APTX: variants seen among roughly 807,000 people sequenced by gnomAD.
APTX encodes the protein aprataxin.
In APTX, 33 loss-of-function variants were observed where a neutral mutation model predicts 42.3. That is an observed-to-expected ratio of 0.78 (90% confidence interval 0.59 to 1.04). The LOEUF (loss-of-function observed/expected upper bound fraction) is 1.04. Among genes scored for constraint, APTX ranks in the 50% least tolerant of loss-of-function variants. APTX has a pLI of 0.00. For missense variants in APTX, 421 were observed against 415.1 expected (o/e 1.01, Z -0.12); for synonymous variants, 130 against 146.7 (o/e 0.89, Z 0.82).
At chr9:32,984,887 G>C (rs762362786) in intron 5 of APTX, 30 bp from the exon 6 acceptor site, 32 of 1,572,112 alleles carry the variant, frequency 2.0e-5, no homozygotes, top group Non-Finnish European at 2.6e-5. Context: ...GAAGGAAACA[G>C]ACATCTACTA....
Position 32,973,269 on chromosome 9 carries a change from A to G in APTX, c.*229T>C. 1 of 627,758 alleles carries G rather than the reference A, an allele frequency of 1.6e-6. No individual in the cohort carries two copies. The highest frequency in any genetic ancestry group is 2.9e-6 in the Non-Finnish European group (1 of 341,050). The allele number at this position is 627,758 out of a possible 1,614,324, so 38.9% of individuals were successfully genotyped here. On this transcript the variant is annotated 3_prime_UTR_variant, in exon 8 of 8. Coordinates refer to ENST00000379817, the MANE Select transcript of APTX (RefSeq NM_001195248.2). Reference sequence around the variant, plus strand: ...TCCTTCTGAAGATGGTGGGTCAGGTATATCCCAGCCACCCTCACCAGAGAA... The same window carrying G: ...TCCTTCTGAAGATGGTGGGTCAGGTGTATCCCAGCCACCCTCACCAGAGAA...
intron 1 of APTX, among the ~76,000 whole-genome samples, chr9:33,010,176 C>G (rs1466993987): frequency 6.6e-6 from 1 of 152,174 alleles, no homozygotes; most frequent in Non-Finnish European, 1.5e-5. Context: ...GTTCCCAGAA[C>G]AGGAGGGCCT....
At chr9:32,982,515 T>C (rs2118604568) in intron 6 of APTX, among the ~76,000 whole-genome samples, 2 of 152,346 alleles carry the variant, frequency 1.3e-5, no homozygotes, top group South Asian at 4.1e-4. Flanking sequence ...ATTGAAAACA[T>C]TACTTTTACA....
intron 5 of APTX, among the ~76,000 whole-genome samples, 163 bp downstream of exon 5, chr9:32,985,808 T>C (rs1435308133): frequency 6.6e-6 from 1 of 152,166 alleles, no homozygotes; most frequent in Non-Finnish European, 1.5e-5. Context: ...CAGCTGCTAC[T>C]TTATTGCCAA....
At chr9:32,995,356 A>G (rs1834579741) in intron 1 of APTX, among the ~76,000 whole-genome samples, 1 of 152,224 alleles carries the variant, frequency 6.6e-6, no homozygotes, top group African/African-American at 2.4e-5. Context: ...GAAAAAGTTG[A>G]TTCCAACCCT....
chr9:32,988,033 A>C, intron 3 of APTX, 50 bp downstream of exon 3: 1 of 1,587,560 alleles, frequency 6.3e-7, no homozygotes, highest in Middle Eastern at 1.7e-4. Flanking sequence ...TAAAGTCAAC[A>C]GCATAAGAAA....
At chr9:32,974,602 C>T (rs534087365) in intron 6 of APTX, 41 bp from the exon 7 acceptor site, 1 of 1,085,124 alleles carries the variant, frequency 9.2e-7, no homozygotes, top group Non-Finnish European at 1.4e-6. Context: ...AACTCTTTAA[C>T]AACTATGGCT....
intron 1 of APTX, among the ~76,000 whole-genome samples, chr9:33,013,869 G>A (rs1190158339): frequency 6.6e-6 from 1 of 152,180 alleles, no homozygotes; most frequent in Non-Finnish European, 1.5e-5. Flanking sequence ...AATGATAACA[G>A]GGAGATGAAA....
At position 32,988,113 on chromosome 9, in the gene APTX, C is replaced by T. The variant is rs1238397098; in HGVS notation, c.150G>A (p.Glu50=). The part of the protein sequence containing the change: ...CSRQQVQLKA[E]CNKGYVKVKQ... The stretch of plus-strand genomic sequence containing the variant: ...TTACCTTGACATATCCCTTGTTACA[C>T]TCTGCTTTCAACTGTACTGAAAGAG... The change falls in exon 3 of 8, where the codon GAG becomes GAA. Residue 50 remains glutamate (E), a synonymous_variant. Coordinates refer to ENST00000379817, the MANE Select transcript of APTX (RefSeq NM_001195248.2). The T allele has an allele frequency of 3.1e-6, 5 of 1,614,032 alleles. No individual in the cohort carries two copies. Among genetic ancestry groups the T allele is most frequent in the Non-Finnish European group, 3.4e-6 (4 of 1,179,992 alleles).
At chr9:32,995,372 A>C (rs919880757) in intron 1 of APTX, among the ~76,000 whole-genome samples, 7 of 152,218 alleles carry the variant, frequency 4.6e-5, no homozygotes, top group African/African-American at 1.7e-4. Context: ...ACCCTTATGG[A>C]TGACTTTCAG....
chr9:33,004,141 G>A (rs544597588), upstream of APTX, among the ~76,000 whole-genome samples: 3 of 152,318 alleles, frequency 2.0e-5, no homozygotes, highest in Non-Finnish European at 2.9e-5. Context: ...GGAACTGGAG[G>A]CCATTTTTCT....
chr9:32,992,856 G>A (rs1431170678), intron 1 of APTX, among the ~76,000 whole-genome samples: 5 of 152,198 alleles, frequency 3.3e-5, no homozygotes, highest in South Asian at 4.1e-4. Context: ...GCAGGTGCAC[G>A]AAGAGTCAGC....
intron 6 of APTX, chr9:32,979,454 A>G (rs994243041): frequency 1.3e-5 from 2 of 152,394 alleles, no homozygotes; most frequent in Admixed American, 6.5e-5. Context: ...ACGGGCATCA[A>G]TCATGGTTGA....
chr9:32,981,043 G>A (rs1236020098), intron 6 of APTX, among the ~76,000 whole-genome samples: 2 of 152,162 alleles, frequency 1.3e-5, no homozygotes, highest in African/African-American at 4.8e-5. Flanking sequence ...CACACTAAAT[G>A]GATTGAGGAA....
intron 1 of APTX, among the ~76,000 whole-genome samples, chr9:32,992,535 G>T (rs192819262): frequency 6.6e-6 from 1 of 152,350 alleles, no homozygotes; most frequent in Admixed American, 6.5e-5. Context: ...GCAAGCCATA[G>T]GTCGGGGTAA....
At chr9:32,974,817 A>G (rs1828967108) in intron 6 of APTX, among the ~76,000 whole-genome samples, 1 of 152,222 alleles carries the variant, frequency 6.6e-6, no homozygotes, top group Non-Finnish European at 1.5e-5. Context: ...CAAAATGGGA[A>G]AAGCCTCTGC....
At chr9:33,002,710 G>C (rs988333817), upstream of APTX, among the ~76,000 whole-genome samples, 1 of 152,168 alleles carries the variant, frequency 6.6e-6, no homozygotes, top group Admixed American at 6.5e-5. Flanking sequence ...TACCTATCAT[G>C]AAGTTCCTGA....
upstream of APTX, among the ~76,000 whole-genome samples, chr9:33,002,260 A>G (rs1482092707): frequency 1.3e-5 from 2 of 152,142 alleles, no homozygotes; most frequent in African/African-American, 4.8e-5. Flanking sequence ...CTCGGAGGTA[A>G]AAGTATAGTT....
At position 32,973,138 on chromosome 9, in the gene APTX, G is replaced by A. The variant is rs1563941432; in HGVS notation, c.*360C>T. On this transcript the variant is annotated 3_prime_UTR_variant, in exon 8 of 8. Transcript: ENST00000379817. ...GGTTGTCCATGCCTACAGAGGCGGA[G>A]GATAAATCTAAGAAACAGAAATGTA... 2.2e-6 allele frequency: 1 copy of A among 464,134 alleles called. No individual in the cohort carries two copies. The highest frequency in any genetic ancestry group is 4.3e-6 in the Non-Finnish European group (1 of 233,658). The allele number at this position is 464,134 out of a possible 1,614,324, so 28.8% of individuals were successfully genotyped here.
Sources: gnomAD v4.1 joint callset for allele counts (sites outside exome capture counted in the v4.1 genomes callset) on GRCh38, gnomAD v4.1.1 for gene constraint, MANE v1.5 for transcripts, NCBI Gene and HGNC (gene_info 2026-07-23, HGNC 2026-07-21) for gene names.